The following AGRN variants were observed in gnomAD, a reference collection of about 807,000 sequenced individuals.
The protein encoded by AGRN is agrin proteoglycan.
A neutral mutation model predicts 211.0 loss-of-function variants in AGRN; 106 were observed. That is an observed-to-expected ratio of 0.50 (90% confidence interval 0.43 to 0.59). The LOEUF is 0.59. Among genes scored for constraint, AGRN ranks in the 20% least tolerant of loss-of-function variants. AGRN has a pLI of 0.00. For synonymous variants in AGRN, 1,525 were observed against 1,332.5 expected (o/e 1.14, Z -3.15); for missense variants, 3,040 against 2,982.6 (o/e 1.02, Z -0.45).
intron 3 of AGRN, among the ~76,000 whole-genome samples, chr1:1,037,738 C>T (rs1186866239): frequency 6.6e-6 from 1 of 152,196 alleles, no homozygotes; most frequent in African/African-American, 2.4e-5. Context: ...GGGCAGGTGA[C>T]CGGAGCACAG....
At position 1,048,484 on chromosome 1, in the gene AGRN, G is replaced by T; in HGVS notation, c.4105+119G>T. The T allele has an allele frequency of 1.1e-6, 1 of 917,556 alleles. No homozygotes were observed. Among genetic ancestry groups the T allele is most frequent in the Non-Finnish European group, 1.6e-6 (1 of 634,534 alleles). 56.8% of individuals were successfully genotyped at this position (917,556 alleles called of 1,614,324 possible). On this transcript the variant is annotated intron_variant, in intron 23 of 35. Transcript: ENST00000379370. The surrounding 1 kb of genome is among the most constrained non-coding windows in gnomAD (Gnocchi z 5.9). ...GGGCAGGAGCCCGGATTAAGGCGGG[G>T]TTTCGGCCAGATGCGGTGGCTCACG...
chr1:1,030,777 G>C (rs1644652056), intron 2 of AGRN, among the ~76,000 whole-genome samples: 1 of 139,546 alleles, frequency 7.2e-6, no homozygotes, highest in Non-Finnish European at 1.6e-5. Flanking sequence ...ATGTGTGTGT[G>C]TGTGTGTGTG....
chr1:1,043,689 C>T lies in AGRN; in HGVS notation c.1755C>T (p.Cys585=). 1 of 1,600,848 alleles carries T rather than the reference C, an allele frequency of 6.2e-7. No homozygotes were observed. Among genetic ancestry groups the T allele is most frequent in the Non-Finnish European group, 8.5e-7 (1 of 1,179,778 alleles). Residue 585 remains cysteine, a synonymous_variant, in exon 9 of 36, where the codon TGC becomes TGT. Coordinates refer to ENST00000379370, the MANE Select transcript of AGRN (RefSeq NM_198576.4). ...PSECMLHVHA[C]THQISLHVAS... ...AGTGCATGCTGCACGTGCACGCCTGCACACACCAGATCAGCCTGCACGTGG... is the reference window on the plus strand; with the variant it reads ...AGTGCATGCTGCACGTGCACGCCTGTACACACCAGATCAGCCTGCACGTGG...
In AGRN at chr1:1,044,194, C is replaced by T. The variant is rs767991002; in HGVS notation, c.2085C>T (p.Asp695=). 1.2e-5 allele frequency: 19 copies of T among 1,613,018 alleles called. No individual in the cohort carries two copies. Among genetic ancestry groups the T allele is most frequent in the African/African-American group, 6.7e-5 (5 of 74,866 alleles). ...GCCGGCAGCGCGGTGGCATCTGGGACGAGGACTCGGAGGACGGGCCGTGTG... is the reference window on the plus strand; with the variant it reads ...GCCGGCAGCGCGGTGGCATCTGGGATGAGGACTCGGAGGACGGGCCGTGTG... ...ELCRQRGGIW[D]EDSEDGPCVC... Residue 695 remains aspartate (D), a synonymous_variant, in exon 11 of 36, where the codon GAC becomes GAT. Transcript: ENST00000379370.
Position 1,049,809 on chromosome 1 carries a change from C to T in AGRN, c.4744+14C>T, listed in dbSNP as rs374346187. 2.9e-5 allele frequency: 46 copies of T among 1,604,172 alleles called. No homozygotes were observed. Among genetic ancestry groups the T allele is most frequent in the Non-Finnish European group, 3.2e-5 (38 of 1,175,936 alleles). ...CCGGCCGCGTCGGTGAGGGTGGGGC[C>T]GGGGCGGGTGGGAGTGGGACCCCGG... On this transcript the variant is annotated intron_variant, in intron 26 of 35. Coordinates refer to ENST00000379370, the MANE Select transcript of AGRN (RefSeq NM_198576.4).
rs1455963259 is a variant in AGRN at position 1,045,236 on chromosome 1, A to G, written c.2330A>G (p.Asn777Ser). Residue 777 changes from asparagine to serine, a missense_variant, in exon 13 of 36, where the codon AAT (asparagine) becomes AGT (serine). Asn to Ser is a conservative substitution (Grantham distance 46). Coordinates refer to ENST00000379370, the MANE Select transcript of AGRN (RefSeq NM_198576.4). ...ACGCCCTACGGCTGCTGCCAGGACAATATCACCGCAGCCCGGGGCGTGGGC... is the reference window on the plus strand; with the variant it reads ...ACGCCCTACGGCTGCTGCCAGGACAGTATCACCGCAGCCCGGGGCGTGGGC... Reference protein sequence around the residue: ...AQTPYGCCQDNITAARGVGLA... With the variant: ...AQTPYGCCQDSITAARGVGLA... The G allele has an allele frequency of 5.6e-6, 9 of 1,612,148 alleles. No individual in the cohort carries two copies. The highest frequency in any genetic ancestry group is 1.7e-4 in the Middle Eastern group (1 of 6,058).
At position 1,043,927 on chromosome 1, in the gene AGRN, G is replaced by A. The variant is rs773493980; in HGVS notation, c.1903G>A (p.Asp635Asn). The A allele has an allele frequency of 9.3e-6, 15 of 1,609,346 alleles. No individual in the cohort carries two copies. Among genetic ancestry groups the A allele is most frequent in the Middle Eastern group, 1.7e-4 (1 of 6,058 alleles). Residue 635 changes from aspartate (D) to asparagine (N), a missense_variant, in exon 10 of 36, where the codon GAC (aspartate) becomes AAC (asparagine). Asp to Asn is a conservative substitution (Grantham distance 23). Transcript: ENST00000379370. ...HPPPGPVCGS[D>N]GVTYGSACEL... ...CCCGCCCGGCCCCGTGTGTGGCAGC[G>A]ACGGTGTCACCTACGGCAGTGCCTG...
Position 1,047,046 on chromosome 1 carries a change from G to A in AGRN, c.3388+89G>A, listed in dbSNP as rs539430789. The A allele has an allele frequency of 1.6e-5, 24 of 1,531,872 alleles. No individual in the cohort carries two copies. In the East Asian group the frequency reaches 2.0e-4, roughly 13 times the overall value. 94.9% of individuals were successfully genotyped at this position (1,531,872 alleles called of 1,614,324 possible). A position where few individuals can be genotyped will look rare whatever the true frequency, so the allele number is the denominator to read the frequency against. ...CTCGCCTGGGCAGCAGGTCAGTGCC[G>A]GGGGTTATGGTCTTGGGACTCGGCC... On this transcript the variant is annotated intron_variant, in intron 19 of 35. Coordinates refer to ENST00000379370, the MANE Select transcript of AGRN (RefSeq NM_198576.4).
intron 2 of AGRN, among the ~76,000 whole-genome samples, chr1:1,029,390 A>AGTGTCTATGCAGGCAGGTGGGGGGATCC (rs1644597713): frequency 8.0e-6 from 1 of 124,372 alleles, no homozygotes. Flanking sequence ...TGGGGGGATC[A>AGTGTCTATGCAGGCAGGTGGGGGGATCC]GTGTCTATGC....
rs1644688551 is a variant in AGRN, at chr1:1,032,128, G to C, written c.464-3149G>C. Among the ~76,000 whole-genome samples the C allele has an allele frequency of 6.6e-6, 1 of 152,196 alleles. No homozygotes were observed. The highest frequency in any genetic ancestry group is 2.4e-5 in the African/African-American group (1 of 41,438). ...GGAGCTCCCCTGAGGAGAGAGTGAG[G>C]CCAGCAGGGGTGGGTCTCCAAGTGC... On this transcript the variant is annotated intron_variant, in intron 2 of 35. Transcript: ENST00000379370. This position sits in a 1 kb window ranked among gnomAD's most constrained non-coding sequence, Gnocchi z 4.7.
At chr1:1,024,582 C>G (rs747043095) in intron 2 of AGRN, among the ~76,000 whole-genome samples, 3 of 152,098 alleles carry the variant, frequency 2.0e-5, no homozygotes, top group Non-Finnish European at 2.9e-5. Context: ...AAGGCCCCTC[C>G]GAGCTCCCCA....
chr1:1,020,409 G>A (rs928749260), intron 1 of AGRN, 36 bp downstream of exon 1: 1 of 1,480,416 alleles, frequency 6.8e-7, no homozygotes, highest in Admixed American at 2.2e-5. Flanking sequence ...CCCTCGCGAC[G>A]CCTGCCGCCC....
rs1165778520 is a variant in AGRN, at chr1:1,050,539, G to A, written c.5089G>A (p.Asp1697Asn). Reference sequence around the variant, plus strand: ...GGACTTCGTGTCGCTGGCACTGCGGGACCGCCGCCTGGAGTTCCGCTACGA... The same window carrying A: ...GGACTTCGTGTCGCTGGCACTGCGGAACCGCCGCCTGGAGTTCCGCTACGA... ...KGDFVSLALR[D>N]RRLEFRYDLG... is the part of the protein sequence containing the mutation. The change falls in exon 29 of 36, where the codon GAC (aspartate) becomes AAC (asparagine). Residue 1697 changes from aspartate to asparagine, a missense_variant. By Grantham distance (23) the Asp-to-Asn change is conservative (BLOSUM62 1). Around this residue, in one of 3 missense-constraint regions of AGRN, gnomAD observed 1,537 missense variants for 1,505.0 expected, o/e 1.02. Coordinates refer to ENST00000379370, the MANE Select transcript of AGRN (RefSeq NM_198576.4). 6.2e-7 allele frequency: 1 copy of A among 1,612,570 alleles called. No individual in the cohort carries two copies. Among genetic ancestry groups the A allele is most frequent in the African/African-American group, 1.3e-5 (1 of 74,892 alleles).
intron 3 of AGRN, 82 bp from the exon 4 acceptor site, chr1:1,040,583 C>T (rs1371965439): frequency 1.2e-5 from 18 of 1,487,074 alleles, no homozygotes; most frequent in Non-Finnish European, 1.6e-5. Context: ...GCGCGGGCTG[C>T]GAGCACGGCA....
Position 1,034,690 on chromosome 1 carries a change from G to C in AGRN, c.464-587G>C, listed in dbSNP as rs1644758269. 3 of 992,964 alleles carry C rather than the reference G, an allele frequency of 3.0e-6. No homozygotes were observed. The African/African-American group carries it at 5.2e-5, about 17-fold the overall frequency. The allele number at this position is 992,964 out of a possible 1,614,324, so 61.5% of individuals were successfully genotyped here. ...CCACGCTCGGCTTCGCGGTGCTGCT[G>C]TTCCTCAACAACTGTAGGTGGCCGC... On this transcript the variant is annotated intron_variant, in intron 2 of 35. Coordinates refer to ENST00000379370, the MANE Select transcript of AGRN (RefSeq NM_198576.4).
intron 33 of AGRN, chr1:1,052,074 G>A (rs1233664979): frequency 4.1e-6 from 6 of 1,465,498 alleles, no homozygotes; most frequent in African/African-American, 1.4e-5. Flanking sequence ...ATCCTTCCTG[G>A]TGGGGAGCAG....
chr1:1,050,716 T>C lies in AGRN; in HGVS notation c.5142-10T>C, dbSNP rs1476996120. 2.5e-6 allele frequency: 4 copies of C among 1,600,416 alleles called. No homozygotes were observed. The African/African-American group carries it at 4.0e-5, about 16-fold the overall frequency. On this transcript the variant is annotated splice_polypyrimidine_tract_variant and intron_variant, in intron 29 of 35. Coordinates refer to ENST00000379370, the MANE Select transcript of AGRN (RefSeq NM_198576.4). ...GGACAGAGCCCACTCACGCTGCCCCTCCTCACCAGGAGCAGGGAGCCAGTC... is the reference window on the plus strand; with the variant it reads ...GGACAGAGCCCACTCACGCTGCCCCCCCTCACCAGGAGCAGGGAGCCAGTC...
At position 1,040,864 on chromosome 1, in the gene AGRN, C is replaced by T. The variant is rs779843530; in HGVS notation, c.711C>T (p.Leu237=). 3.9e-5 allele frequency: 60 copies of T among 1,521,796 alleles called. No homozygotes were observed. The highest frequency in any genetic ancestry group is 5.0e-5 in the Non-Finnish European group (57 of 1,141,936). 94.3% of individuals were successfully genotyped at this position (1,521,796 alleles called of 1,614,324 possible). A position where few individuals can be genotyped will look rare whatever the true frequency, so the allele number is the denominator to read the frequency against. Residue 237 remains leucine, a synonymous_variant, in exon 4 of 36, where the codon CTC becomes CTT. Transcript: ENST00000379370. ...GCCAGCAGCGCCGCATCCGCCTGCT[C>T]AGCCGCGGGCCGTGCGGTGAGCGGG... is the stretch of plus-strand genomic sequence containing the variant. ...QCSQQRRIRL[L]SRGPCGSRDP... is the part of the protein sequence containing the mutation.
At position 1,043,376 on chromosome 1, in the gene AGRN, A is replaced by G. The variant is rs1294309821; in HGVS notation, c.1522A>G (p.Thr508Ala). Residue 508 changes from threonine to alanine, a missense_variant, in exon 8 of 36, where the codon ACA becomes GCA. This residue lies in a region of AGRN where 1,498 missense variants were observed against 1,457.8 expected (regional missense o/e 1.03). Coordinates refer to ENST00000379370, the MANE Select transcript of AGRN (RefSeq NM_198576.4). ...TCCTGTGTGCGGCAGCGACGGCGTCACATACGGCAGCGCGTGCGAGCTGGA... is the reference window on the plus strand; with the variant it reads ...TCCTGTGTGCGGCAGCGACGGCGTCGCATACGGCAGCGCGTGCGAGCTGGA... ...YDPVCGSDGV[T>A]YGSACELEAT... 1.9e-6 allele frequency: 3 copies of G among 1,609,894 alleles called. No homozygotes were observed. The highest frequency in any genetic ancestry group is 1.1e-5 in the South Asian group (1 of 90,562).
Sources: allele counts gnomAD v4.1 joint callset (sites outside exome capture counted in the v4.1 genomes callset), GRCh38; gene constraint gnomAD v4.1.1; regional missense constraint gnomAD v4.1.1; non-coding constraint Gnocchi (gnomAD v3.1); transcripts MANE v1.5; gene names NCBI Gene and HGNC (gene_info 2026-07-23, HGNC 2026-07-21).